ZNF677: variants seen among roughly 807,000 people sequenced by gnomAD.
ZNF677 encodes hypothetical protein MGC48625.
Under a neutral mutation model 8.1 loss-of-function variants are expected in ZNF677, and 5 were observed. The observed-to-expected ratio is 0.62, with a 90% CI of 0.32 to 1.29. The LOEUF (loss-of-function observed/expected upper bound fraction) is 1.29. Ranked by LOEUF, ZNF677 falls within the 50% of genes most tolerant of loss-of-function variation. The pLI, the probability that ZNF677 is intolerant of heterozygous loss-of-function variation, is 0.05. For synonymous variants in ZNF677, 221 were observed against 225.6 expected (o/e 0.98, Z 0.18); for missense variants, 685 against 685.9 (o/e 1.00, Z 0.01).
intron 3 of ZNF677, among the ~76,000 whole-genome samples, chr19:53,250,500 A>G (rs2091217937): frequency 6.6e-6 from 1 of 152,212 alleles, no homozygotes; most frequent in Non-Finnish European, 1.5e-5. Context: ...TGTAGCCATA[A>G]AAAAAGAGAT....
Position 53,254,847 on chromosome 19 carries a change from T to G in ZNF677, c.-140A>C, listed in dbSNP as rs1568698498. Reference sequence around the variant, plus strand: ...ACGGAGACTCACCCGAGAGCGCCAGTAGCCCCGCGAGATCCGCTTCCGGGT... The same window carrying G: ...ACGGAGACTCACCCGAGAGCGCCAGGAGCCCCGCGAGATCCGCTTCCGGGT... On this transcript the variant is annotated 5_prime_UTR_variant, in exon 1 of 5. Coordinates refer to ENST00000598513, the MANE Select transcript of ZNF677 (RefSeq NM_182609.4). The G allele has an allele frequency of 6.6e-6, 1 of 152,390 alleles. No individual in the cohort carries two copies. The allele number at this position is 152,390 out of a possible 1,614,324, so 9.4% of individuals were successfully genotyped here.
rs548204245 is a variant in ZNF677 at position 53,254,409 on chromosome 19, A to G, written c.-127+425T>C. On this transcript the variant is annotated intron_variant, in intron 1 of 4. Coordinates refer to ENST00000598513, the MANE Select transcript of ZNF677 (RefSeq NM_182609.4). ...TTTTCAGTCCCTGCTATTGTTTCTG[A>G]TGGCTCTCTAATTTCGCGCATTTCT... Among the ~76,000 whole-genome samples the G allele has an allele frequency of 4.3e-4, 65 of 151,334 alleles. 1 individual carries two copies. Among genetic ancestry groups the G allele is most frequent in the Middle Eastern group, 3.4e-3 (1 of 294 alleles).
At chr19:53,245,731 A>T (rs1042706513) in intron 3 of ZNF677, among the ~76,000 whole-genome samples, 3 of 152,158 alleles carry the variant, frequency 2.0e-5, no homozygotes. Flanking sequence ...AATTAAAAAT[A>T]GGCCGGGCGC....
At chr19:53,247,790 C>T (rs935374906) in intron 3 of ZNF677, among the ~76,000 whole-genome samples, 1 of 152,120 alleles carries the variant, frequency 6.6e-6, no homozygotes, top group South Asian at 2.1e-4. Context: ...TGTAGCTATC[C>T]AGCTAGGTTT....
chr19:53,240,532 C>T (rs985857823), intron 4 of ZNF677: 1 of 152,332 alleles, frequency 6.6e-6, no homozygotes, highest in Non-Finnish European at 1.5e-5. Flanking sequence ...AGGCGTGAGC[C>T]ACCACGCCCA....
chr19:53,245,275 A>C (rs561609518), intron 3 of ZNF677, among the ~76,000 whole-genome samples: 1 of 152,216 alleles, frequency 6.6e-6, no homozygotes, highest in African/African-American at 2.4e-5. Flanking sequence ...AAAATAGACC[A>C]GTGGGACTAC....
chr19:53,238,398 C>CA lies in ZNF677; in HGVS notation c.328dup (p.Trp110LeufsTer4). The stretch of plus-strand genomic sequence containing the variant: ...TTTGTAATTTTTTACATCATAGTCC[C>CA]ACAGGCTGTCAAACTTAGGCATATT... On this transcript the variant is annotated frameshift_variant, in exon 5 of 5. Transcript: ENST00000598513. LOFTEE classifies it low-confidence loss of function (END_TRUNC). 6.2e-7 allele frequency: 1 copy of CA among 1,613,874 alleles called. No individual in the cohort carries two copies. The highest frequency in any genetic ancestry group is 8.5e-7 in the Non-Finnish European group (1 of 1,179,926).
intron 4 of ZNF677, chr19:53,242,463 C>A (rs563554355): frequency 1.0e-4 from 41 of 398,502 alleles, no homozygotes; most frequent in Non-Finnish European, 6.2e-5. Context: ...GATATATTCC[C>A]ATTTTGGAAT....
chr19:53,246,191 G>A (rs1002462350), intron 3 of ZNF677, among the ~76,000 whole-genome samples: 3 of 151,580 alleles, frequency 2.0e-5, no homozygotes, highest in Non-Finnish European at 4.4e-5. Flanking sequence ...GGTGGCGGGC[G>A]CCTGTAGTCC....
chr19:53,243,326 G>A lies in ZNF677; in HGVS notation c.169+418C>T, dbSNP rs150415308. 3.1e-3 allele frequency: 661 copies of A among 211,968 alleles called. 5 individuals are homozygous for A. The highest frequency in any genetic ancestry group is 0.015 in the African/African-American group (624 of 42,144). 13.1% of individuals were successfully genotyped at this position (211,968 alleles called of 1,614,324 possible). ...CATTCCCAGCCCTTTGTTCAGCTAC[G>A]AAGAGAGGACATTACACATGGGTCT... On this transcript the variant is annotated intron_variant, in intron 4 of 4. Coordinates refer to ENST00000598513, the MANE Select transcript of ZNF677 (RefSeq NM_182609.4).
chr19:53,241,972 C>T, intron 4 of ZNF677: 3 of 365,842 alleles, frequency 8.2e-6, no homozygotes, highest in East Asian at 4.0e-5. Context: ...GCTCTTGTTG[C>T]CCAGGCTGGA....
At chr19:53,254,108 G>A (rs28434722) in intron 1 of ZNF677, among the ~76,000 whole-genome samples, 47,868 of 151,962 alleles carry the variant, frequency 0.32, 9,064 homozygotes, top group African/African-American at 0.52. Flanking sequence ...AAACAATGAA[G>A]CAAATTTTAA....
In ZNF677 at chr19:53,235,403, A is replaced by G. The variant is rs189296617; in HGVS notation, c.*1569T>C. Reference sequence around the variant, plus strand: ...TCATTCAGGGTTACTAAAAATGATTATATTTTACTAATTAAGACATAAGAA... The same window carrying G: ...TCATTCAGGGTTACTAAAAATGATTGTATTTTACTAATTAAGACATAAGAA... On this transcript the variant is annotated 3_prime_UTR_variant, in exon 5 of 5. Transcript: ENST00000598513. The G allele has an allele frequency of 9.2e-5, 14 of 152,318 alleles. No homozygotes were observed. The highest frequency in any genetic ancestry group is 3.4e-4 in the African/African-American group (14 of 41,572). The allele number at this position is 152,318 out of a possible 1,614,324, so 9.4% of individuals were successfully genotyped here. A position where few individuals can be genotyped will look rare whatever the true frequency, so the allele number is the denominator to read the frequency against.
At chr19:53,250,997 A>G (rs528837273) in intron 3 of ZNF677, among the ~76,000 whole-genome samples, 98 of 152,326 alleles carry the variant, frequency 6.4e-4, no homozygotes, top group African/African-American at 2.2e-3. Context: ...TACCTTCTCC[A>G]TCCCCAATGT....
intron 4 of ZNF677, chr19:53,240,881 T>C (rs2091038988): frequency 6.6e-6 from 1 of 151,672 alleles, no homozygotes. Context: ...TTTTAACAAA[T>C]GTACCACTGT....
At chr19:53,242,584 G>A in intron 4 of ZNF677, 1 of 395,532 alleles carries the variant, frequency 2.5e-6, no homozygotes, top group East Asian at 3.6e-5. Context: ...AGAACTGAAG[G>A]AATGGCCAAG....
chr19:53,243,953 C>T (rs764868814), intron 3 of ZNF677, 56 bp from the exon 4 acceptor site: 12 of 1,504,700 alleles, frequency 8.0e-6, no homozygotes, highest in South Asian at 2.6e-5. Flanking sequence ...TATTTTCACA[C>T]AAAATGGCAG....
At chr19:53,238,612 A>G (rs2091003248) in intron 4 of ZNF677, 55 bp from the exon 5 acceptor site, 3 of 1,430,104 alleles carry the variant, frequency 2.1e-6, no homozygotes. Context: ...TGCAAGGTAA[A>G]TATTTTATTA....
intron 4 of ZNF677, 177 bp downstream of exon 4, chr19:53,243,567 A>T: frequency 1.3e-6 from 1 of 770,290 alleles, no homozygotes; most frequent in Non-Finnish European, 2.0e-6. Flanking sequence ...GATTATGCGC[A>T]GAACTTCTGA....
Sources: gnomAD v4.1 joint callset for allele counts (sites outside exome capture counted in the v4.1 genomes callset) on GRCh38, gnomAD v4.1.1 for gene constraint, MANE v1.5 for transcripts, NCBI Gene and HGNC (gene_info 2026-07-23, HGNC 2026-07-21) for gene names.